Variants in ARHGAP29 observed in about 807,000 individuals in gnomAD.
The protein encoded by ARHGAP29 is rho GTPase-activating protein 29.
In ARHGAP29, 43 loss-of-function variants were observed where a neutral mutation model predicts 122.6. The observed-to-expected ratio is 0.35, with a 90% confidence interval of 0.27 to 0.45. The LOEUF (loss-of-function observed/expected upper bound fraction) is 0.45, where lower values mean the gene tolerates loss of function less well. Among genes scored for constraint, ARHGAP29 ranks in the 20% least tolerant of loss-of-function variants. ARHGAP29 has a pLI of 1.00. For synonymous variants in ARHGAP29, 506 were observed against 497.1 expected, an observed-to-expected ratio of 1.02 and a Z score of -0.24; for missense variants, 1,303 against 1,477.2, an observed-to-expected ratio of 0.88 and a Z score of 1.93.
chr1:94,201,637 T>A (rs1650856765), intron 12 of ARHGAP29, 83 bp downstream of exon 12: 1 of 1,534,544 alleles, frequency 6.5e-7, no homozygotes. Flanking sequence ...CCTCCCAAAG[T>A]GCTGGGATTA....
intron 2 of ARHGAP29, among the ~76,000 whole-genome samples, chr1:94,222,737 A>G (rs1570567026): frequency 6.6e-6 from 1 of 152,238 alleles, no homozygotes; most frequent in Non-Finnish European, 1.5e-5. Context: ...TCATTTTATT[A>G]CTGGTTATCA....
At chr1:94,194,918 G>T (rs758370808) in intron 12 of ARHGAP29, 1 of 152,108 alleles carries the variant, frequency 6.6e-6, no homozygotes, top group African/African-American at 2.4e-5. Flanking sequence ...TTGGTCAAGC[G>T]ATGTAGTTTT....
chr1:94,179,693 T>C (rs375759279), intron 20 of ARHGAP29, 32 bp downstream of exon 20: 17 of 1,388,032 alleles, frequency 1.2e-5, no homozygotes, highest in Non-Finnish European at 1.6e-5. Flanking sequence ...AATTGCCCAT[T>C]AATAAATGTT....
At chr1:94,299,303 A>AT in the ARHGAP29 span, among the ~76,000 whole-genome samples, 1 of 152,026 alleles carries the variant, frequency 6.6e-6, no homozygotes, top group African/African-American at 2.4e-5. Flanking sequence ...CAGCCTTCTA[A>AT]TTTTTTTCCT....
the ARHGAP29 span, among the ~76,000 whole-genome samples, chr1:94,281,359 G>A: frequency 2.0e-5 from 3 of 152,146 alleles, no homozygotes; most frequent in Non-Finnish European, 2.9e-5. Context: ...GATAGGGAGG[G>A]AATTAAGGCC....
intron 19 of ARHGAP29, among the ~76,000 whole-genome samples, chr1:94,181,030 A>G (rs530131734): frequency 2.0e-5 from 3 of 152,184 alleles, no homozygotes; most frequent in Non-Finnish European, 4.4e-5. Flanking sequence ...CAACAATTAT[A>G]CCCAATTTCT....
rs1028406116 is a variant in ARHGAP29, at chr1:94,170,599, T to C, written c.*3270A>G. Among the ~76,000 whole-genome samples, 1 of 152,234 alleles carries C rather than the reference T, an allele frequency of 6.6e-6. No individual in the cohort carries two copies. The highest frequency in any genetic ancestry group is 2.4e-5 in the African/African-American group (1 of 41,464). ...AATCTCCTAAGTTTGATGGTTGTACTATGGTTACGTAGGAATGCCCTTGTC... is the reference window on the plus strand; with the variant it reads ...AATCTCCTAAGTTTGATGGTTGTACCATGGTTACGTAGGAATGCCCTTGTC... On this transcript the variant is annotated 3_prime_UTR_variant, in exon 23 of 23. Coordinates refer to ENST00000260526, the MANE Select transcript of ARHGAP29 (RefSeq NM_004815.4).
intron 1 of ARHGAP29, among the ~76,000 whole-genome samples, chr1:94,266,620 A>G (rs1654782834): frequency 6.6e-6 from 1 of 152,038 alleles, no homozygotes; most frequent in Non-Finnish European, 1.5e-5. Context: ...GAACACAGAG[A>G]GAGGCTGGGA....
intron 1 of ARHGAP29, among the ~76,000 whole-genome samples, chr1:94,256,820 A>G (rs1436708759): frequency 1.3e-5 from 2 of 151,624 alleles, no homozygotes; most frequent in African/African-American, 4.8e-5. Context: ...AGCCTCTCAA[A>G]GTGCTGGGAT....
the ARHGAP29 span, chr1:94,302,915 G>T: frequency 5.2e-6 from 1 of 191,930 alleles, no homozygotes; most frequent in South Asian, 8.3e-5. Flanking sequence ...CACTGGGGCT[G>T]GCATTGCCCT....
chr1:94,183,356 C>A (rs1027587348), intron 19 of ARHGAP29, among the ~76,000 whole-genome samples: 1 of 152,068 alleles, frequency 6.6e-6, no homozygotes, highest in Non-Finnish European at 1.5e-5. Flanking sequence ...TTTTTTTGTA[C>A]GTGTCTCATG....
At chr1:94,235,240 C>A (rs546728879) in intron 1 of ARHGAP29, among the ~76,000 whole-genome samples, 23 of 152,112 alleles carry the variant, frequency 1.5e-4, no homozygotes, top group African/African-American at 4.8e-4. Flanking sequence ...CAAACTTAAC[C>A]CAAGCTTTCA....
At chr1:94,233,684 T>C (rs1653075265) in intron 1 of ARHGAP29, among the ~76,000 whole-genome samples, 1 of 152,138 alleles carries the variant, frequency 6.6e-6, no homozygotes, top group Non-Finnish European at 1.5e-5. Context: ...CACACCTCCT[T>C]CTCATTCTTC....
chr1:94,205,306 T>A (rs547651172), intron 6 of ARHGAP29, 108 bp from the exon 7 acceptor site: 4 of 928,402 alleles, frequency 4.3e-6, no homozygotes, highest in South Asian at 6.4e-5. Flanking sequence ...AACTGGTTTT[T>A]AAAAAAAATA....
At chr1:94,301,994 T>C in the ARHGAP29 span, 1 of 174,030 alleles carries the variant, frequency 5.7e-6, no homozygotes, top group Admixed American at 6.0e-5. Flanking sequence ...CATCAACAGA[T>C]GGCCCAGTCT....
At chr1:94,236,992 G>C (rs1394105456) in intron 1 of ARHGAP29, among the ~76,000 whole-genome samples, 5 of 152,166 alleles carry the variant, frequency 3.3e-5, no homozygotes, top group African/African-American at 4.8e-5. Context: ...CTGTGTGCTT[G>C]GGCAGGTTTT....
At chr1:94,293,263 C>T in the ARHGAP29 span, among the ~76,000 whole-genome samples, 2 of 152,202 alleles carry the variant, frequency 1.3e-5, no homozygotes, top group Non-Finnish European at 2.9e-5. Context: ...AGCAAGGCTC[C>T]ATGGGCATGG....
upstream of ARHGAP29, among the ~76,000 whole-genome samples, chr1:94,276,269 A>C (rs1192470552): frequency 6.6e-6 from 1 of 151,998 alleles, no homozygotes; most frequent in Non-Finnish European, 1.5e-5. Flanking sequence ...AAAAAAAAAA[A>C]AGTTTTGGAA....
At chr1:94,237,708 G>A (rs1159799309), upstream of ARHGAP29, 1 of 985,246 alleles carries the variant, frequency 1.0e-6, no homozygotes, top group Non-Finnish European at 1.2e-6. Flanking sequence ...CGGCAGGTAC[G>A]GGAGGCAACT....
Sources: allele counts gnomAD v4.1 joint callset (sites outside exome capture counted in the v4.1 genomes callset), GRCh38; gene constraint gnomAD v4.1.1; transcripts MANE v1.5; gene names NCBI Gene and HGNC (gene_info 2026-07-23, HGNC 2026-07-21).